Variants in DPH6 observed in about 807,000 individuals in gnomAD.
DPH6 encodes diphthamine biosynthesis 6.
DPH6 carries 33 observed loss-of-function variants against 38.2 expected under a neutral mutation model. The observed-to-expected ratio is 0.86, with a 90% confidence interval of 0.65 to 1.15. The LOEUF (loss-of-function observed/expected upper bound fraction) is 1.15. Ranked by LOEUF, DPH6 falls within the 50% of genes most tolerant of loss-of-function variation. DPH6 has a pLI of 0.00. For missense variants in DPH6, 325 were observed against 320.0 expected (o/e 1.02, Z -0.12); for synonymous variants, 108 against 103.0 (o/e 1.05, Z -0.30).
At chr15:35,298,479 T>A in intron 3 of DPH6, 1 of 772,446 alleles carries the variant, frequency 1.3e-6, no homozygotes, top group Non-Finnish European at 2.4e-6. Flanking sequence ...TCCTTGGTTT[T>A]AACTTCCAAG....
At chr15:35,294,418 G>A (rs2052000793) in intron 3 of DPH6, among the ~76,000 whole-genome samples, 1 of 152,138 alleles carries the variant, frequency 6.6e-6, no homozygotes. Context: ...CAGTAGGTTT[G>A]TAGTATTGTC....
At chr15:35,484,624 G>A (rs969696757) in intron 3 of DPH6, among the ~76,000 whole-genome samples, 1 of 152,174 alleles carries the variant, frequency 6.6e-6, no homozygotes, top group Non-Finnish European at 1.5e-5. Flanking sequence ...CAAGGTGAGT[G>A]GGCAAGAGAG....
intron 5 of DPH6, among the ~76,000 whole-genome samples, chr15:35,418,242 A>T (rs918636672): frequency 6.6e-6 from 1 of 152,140 alleles, no homozygotes; most frequent in Non-Finnish European, 1.5e-5. Context: ...TCACTGAGAC[A>T]ATTACATTAG....
At chr15:35,545,278 T>C (rs1216501438) in intron 1 of DPH6, among the ~76,000 whole-genome samples, 1 of 152,366 alleles carries the variant, frequency 6.6e-6, no homozygotes, top group Non-Finnish European at 1.5e-5. Context: ...CCCTTCTGCC[T>C]CAGTTTATAG....
At chr15:35,327,588 G>A (rs1280135414), downstream of DPH6, among the ~76,000 whole-genome samples, 2 of 152,014 alleles carry the variant, frequency 1.3e-5, no homozygotes, top group African/African-American at 2.4e-5. Context: ...CTCGTGATCT[G>A]CCCACCTCGG....
At chr15:35,303,862 C>A (rs994572862) in intron 3 of DPH6, among the ~76,000 whole-genome samples, 1 of 150,556 alleles carries the variant, frequency 6.6e-6, no homozygotes, top group South Asian at 2.1e-4. Flanking sequence ...AAAAGCTAAT[C>A]ATTTTTTTTT....
chr15:35,313,344 T>G (rs777374826), intron 3 of DPH6, among the ~76,000 whole-genome samples: 1 of 151,784 alleles, frequency 6.6e-6, no homozygotes, highest in Non-Finnish European at 1.5e-5. Flanking sequence ...TTATATACAT[T>G]TCAGGATTTT....
At position 35,398,039 on chromosome 15, in the gene DPH6, T is replaced by G. The variant is rs535825126; in HGVS notation, c.567+12796A>C. On this transcript the variant is annotated intron_variant, in intron 6 of 8. Transcript: ENST00000256538. ...TGCTTTGGAATATGAACAGCTCAGATTAAGTAGTCTTGCTATACTTTCTGT... is the reference window on the plus strand; with the variant it reads ...TGCTTTGGAATATGAACAGCTCAGAGTAAGTAGTCTTGCTATACTTTCTGT... 7.9e-5 allele frequency among the ~76,000 whole-genome samples: 12 copies of G among 152,258 alleles called. No homozygotes were observed. The South Asian group carries it at 2.5e-3, about 32-fold the overall frequency.
At chr15:35,459,247 TC>T (rs780743281) in intron 3 of DPH6, among the ~76,000 whole-genome samples, 15 of 152,168 alleles carry the variant, frequency 9.9e-5, no homozygotes. Context: ...AGGCTTCTCT[TC>T]CTGCCTTGTA....
intron 3 of DPH6, among the ~76,000 whole-genome samples, chr15:35,264,758 T>C (rs2051772326): frequency 6.6e-6 from 1 of 152,198 alleles, no homozygotes; most frequent in African/African-American, 2.4e-5. Context: ...TTTACTGAGC[T>C]AGGTACTGAG....
intron 5 of DPH6, among the ~76,000 whole-genome samples, chr15:35,432,807 T>G (rs1347734790): frequency 6.6e-6 from 1 of 152,176 alleles, no homozygotes; most frequent in Non-Finnish European, 1.5e-5. Flanking sequence ...AAAGTCATAT[T>G]GAGTACACAT....
chr15:35,252,186 A>C (rs775188566), intron 3 of DPH6, among the ~76,000 whole-genome samples: 1 of 152,242 alleles, frequency 6.6e-6, no homozygotes, highest in Non-Finnish European at 1.5e-5. Context: ...AATATGATAG[A>C]CATGATTTAA....
chr15:35,353,293 A>T (rs939374889), intron 3 of DPH6, among the ~76,000 whole-genome samples: 1 of 151,992 alleles, frequency 6.6e-6, no homozygotes, highest in Non-Finnish European at 1.5e-5. Context: ...ATTAGATCCC[A>T]TTTGTCAATT....
chr15:35,346,128 T>A (rs891842210), intron 3 of DPH6, among the ~76,000 whole-genome samples: 13 of 152,152 alleles, frequency 8.5e-5, no homozygotes, highest in South Asian at 2.1e-4. Context: ...CATGCAGTCA[T>A]CTTTTCCAAA....
intron 6 of DPH6, chr15:35,400,754 G>T: frequency 2.7e-6 from 2 of 746,654 alleles, no homozygotes; most frequent in Non-Finnish European, 2.5e-6. Flanking sequence ...GGAGGGTTGA[G>T]CTTGGAAACA....
At chr15:35,384,179 T>G (rs909886094) in intron 6 of DPH6, among the ~76,000 whole-genome samples, 1 of 152,224 alleles carries the variant, frequency 6.6e-6, no homozygotes, top group Non-Finnish European at 1.5e-5. Context: ...TCATTCCAAA[T>G]GCAATTTTTG....
At chr15:35,519,226 C>G (rs1386547791) in intron 3 of DPH6, 1 of 151,800 alleles carries the variant, frequency 6.6e-6, no homozygotes, top group African/African-American at 2.4e-5. Context: ...ATGACAAACA[C>G]TTTAGTCATT....
intron 3 of DPH6, among the ~76,000 whole-genome samples, chr15:35,269,506 C>T (rs1200128888): frequency 6.6e-6 from 1 of 151,810 alleles, no homozygotes; most frequent in Non-Finnish European, 1.5e-5. Flanking sequence ...GACGGAGTCA[C>T]CCAGGCTGGA....
intron 3 of DPH6, chr15:35,237,006 G>C (rs2051557176): frequency 3.6e-6 from 1 of 277,498 alleles, no homozygotes; most frequent in South Asian, 7.1e-5. Context: ...ATAATCTGGT[G>C]AGTTGTTGAA....
Sources: allele counts gnomAD v4.1 joint callset (sites outside exome capture counted in the v4.1 genomes callset), GRCh38; gene constraint gnomAD v4.1.1; transcripts MANE v1.5; gene names NCBI Gene and HGNC (gene_info 2026-07-23, HGNC 2026-07-21).